SNAP23: variants seen among roughly 807,000 people sequenced by gnomAD.
The protein encoded by SNAP23 is synaptosome associated protein 23.
SNAP23 carries 11 observed loss-of-function variants against 29.0 expected under a neutral mutation model. That is an observed-to-expected ratio of 0.38 (90% confidence interval 0.24 to 0.63). The LOEUF is 0.63. Ranked by LOEUF, SNAP23 falls within the 20% of genes least tolerant of loss-of-function variation. The pLI is 0.58. For synonymous variants in SNAP23, 60 were observed against 82.9 expected (o/e 0.72, Z 1.50); for missense variants, 220 against 253.9 (o/e 0.87, Z 0.91).
chr15:42,516,719 A>T (rs982781040), intron 5 of SNAP23, among the ~76,000 whole-genome samples: 1 of 152,164 alleles, frequency 6.6e-6, no homozygotes, highest in African/African-American at 2.4e-5. Context: ...TTATATTTTT[A>T]TATTTTCAGT....
chr15:42,527,370 A>C (rs2057513623), intron 5 of SNAP23, among the ~76,000 whole-genome samples: 1 of 151,992 alleles, frequency 6.6e-6, no homozygotes, highest in Non-Finnish European at 1.5e-5. Flanking sequence ...GTTCAAATTC[A>C]GTCTTCTTAT....
chr15:42,528,121 A>G, intron 5 of SNAP23, 141 bp from the exon 6 acceptor site: 4 of 634,230 alleles, frequency 6.3e-6, no homozygotes, highest in Non-Finnish European at 8.2e-6. Flanking sequence ...CATGGAGCAT[A>G]GTGTAGATCA....
intron 6 of SNAP23, 90 bp from the exon 7 acceptor site, chr15:42,529,585 C>T: frequency 7.5e-7 from 1 of 1,327,944 alleles, no homozygotes; most frequent in Non-Finnish European, 1.0e-6. Flanking sequence ...TGCTGAGAGT[C>T]ATTTTGGTTA....
chr15:42,528,287 G>C lies in SNAP23; in HGVS notation c.292G>C (p.Ala98Pro), dbSNP rs756726088. 2 of 1,613,920 alleles carry C rather than the reference G, an allele frequency of 1.2e-6. No individual in the cohort carries two copies. The highest frequency in any genetic ancestry group is 1.3e-5 in the African/African-American group (1 of 74,876). Residue 98 changes from alanine (A) to proline (P), a missense_variant, in exon 6 of 8, where the codon GCT becomes CCT. Coordinates refer to ENST00000249647, the MANE Select transcript of SNAP23 (RefSeq NM_003825.4). ...AACAAAGAACTTTGAGTCTGGCAAG[G>C]CTTATAAGACAACATGGGGAGATGG... ...NRTKNFESGK[A>P]YKTTWGDGGE...
At chr15:42,499,765 C>G (rs2141500265) in intron 1 of SNAP23, among the ~76,000 whole-genome samples, 1 of 152,232 alleles carries the variant, frequency 6.6e-6, no homozygotes, top group Middle Eastern at 3.4e-3. Flanking sequence ...TGAACTAAAG[C>G]TTATGGGCTT....
intron 2 of SNAP23, chr15:42,512,200 T>C (rs1235845590): frequency 1.6e-5 from 3 of 183,556 alleles, no homozygotes; most frequent in Non-Finnish European, 3.4e-5. Flanking sequence ...AATTTCCTAA[T>C]ATCTGTAATT....
At position 42,511,641 on chromosome 15, in the gene SNAP23, A is replaced by G. The variant is rs541545715; in HGVS notation, c.-14-192A>G. The stretch of plus-strand genomic sequence containing the variant: ...TAGGTTCACCCTTGGCACTCTTATT[A>G]AACATTCATTTAGCCTCTCTCGGTC... On this transcript the variant is annotated intron_variant, in intron 1 of 7. Coordinates refer to ENST00000249647, the MANE Select transcript of SNAP23 (RefSeq NM_003825.4). Among the ~76,000 whole-genome samples the G allele has an allele frequency of 5.3e-4, 80 of 152,314 alleles. 1 individual carries two copies. The highest frequency in any genetic ancestry group is 1.9e-3 in the African/African-American group (78 of 41,566).
At chr15:42,517,877 A>G (rs755850535) in intron 5 of SNAP23, among the ~76,000 whole-genome samples, 2 of 152,046 alleles carry the variant, frequency 1.3e-5, no homozygotes, top group Non-Finnish European at 2.9e-5. Context: ...TGCCCAGCTA[A>G]TTTTTGAAAT....
rs1167525790 is a variant in SNAP23 at position 42,531,466 on chromosome 15, C to T, written c.624C>T (p.Leu208=). The change falls in exon 8 of 8, where the codon CTC becomes CTT. Residue 208 remains leucine (L), a synonymous_variant. Transcript: ENST00000249647. The part of the protein sequence containing the change: ...IDIANARAKK[L]IDS Reference sequence around the variant, plus strand: ...TTGCCAATGCCAGAGCAAAGAAACTCATTGACAGCTAAAGCTACTGCTGTT... The same window carrying T: ...TTGCCAATGCCAGAGCAAAGAAACTTATTGACAGCTAAAGCTACTGCTGTT... The T allele has an allele frequency of 7.5e-6, 12 of 1,601,662 alleles. No homozygotes were observed. The Admixed American group carries it at 2.0e-4, about 27-fold the overall frequency.
intron 1 of SNAP23, among the ~76,000 whole-genome samples, chr15:42,496,151 A>G (rs1366654680): frequency 6.6e-6 from 1 of 152,180 alleles, no homozygotes; most frequent in Non-Finnish European, 1.5e-5. Flanking sequence ...ATTACTGCAC[A>G]AATTAGAGGA....
intron 1 of SNAP23, among the ~76,000 whole-genome samples, chr15:42,503,832 C>G (rs546464982): frequency 3.7e-4 from 56 of 152,138 alleles, no homozygotes; most frequent in South Asian, 3.5e-3. Context: ...AGATACGATT[C>G]TGTGATGTAC....
intron 7 of SNAP23, among the ~76,000 whole-genome samples, chr15:42,531,013 T>C (rs1314619508): frequency 6.6e-6 from 1 of 152,188 alleles, no homozygotes; most frequent in African/African-American, 2.4e-5. Flanking sequence ...ACTTAGGGTG[T>C]CTGAATCCAG....
intron 5 of SNAP23, chr15:42,521,425 T>G (rs1395144577): frequency 1.7e-5 from 17 of 976,584 alleles, no homozygotes; most frequent in Non-Finnish European, 2.1e-5. Flanking sequence ...TTAAATAGTT[T>G]TCTTATTTTT....
At chr15:42,493,746 C>G (rs951916835), upstream of SNAP23, among the ~76,000 whole-genome samples, 5 of 152,104 alleles carry the variant, frequency 3.3e-5, no homozygotes, top group African/African-American at 9.7e-5. Flanking sequence ...CTACAATATT[C>G]CAAATCTTCT....
rs541632087 is a variant in SNAP23, at chr15:42,523,789, CTTTTTTG to C, written c.267-4455_267-4449del. Among the ~76,000 whole-genome samples the C allele has an allele frequency of 1.4e-3, 208 of 151,874 alleles. 1 individual carries two copies. The highest frequency in any genetic ancestry group is 3.6e-3 in the African/African-American group (150 of 41,308). ...AGTTATTTTACTCCAAATGCTGTTACTTTTTTGTTTTTTGTTTTTTGTTTGTTTGTTT... is the reference window on the plus strand; with the variant it reads ...AGTTATTTTACTCCAAATGCTGTTACTTTTTTGTTTTTTGTTTGTTTGTTT... On this transcript the variant is annotated intron_variant, in intron 5 of 7. Coordinates refer to ENST00000249647, the MANE Select transcript of SNAP23 (RefSeq NM_003825.4).
chr15:42,492,696 AAAAG>A (rs2057181231), upstream of SNAP23: 2 of 151,808 alleles, frequency 1.3e-5, no homozygotes, highest in African/African-American at 2.4e-5. Flanking sequence ...AAAAAAAAAA[AAAAG>A]AGAGAGAAAA....
Position 42,513,430 on chromosome 15 carries a change from T to G in SNAP23, c.131T>G (p.Met44Arg). Residue 44 changes from methionine (M) to arginine (R), a missense_variant, in exon 4 of 8, where the codon ATG becomes AGG. Met to Arg is a moderately conservative substitution (Grantham distance 91, BLOSUM62 -1). Coordinates refer to ENST00000249647, the MANE Select transcript of SNAP23 (RefSeq NM_003825.4). ...GATGCAGGAATCAAGACCATCACTA[T>G]GCTGGATGAACAAAAGGGTAAGTTA... ...SQDAGIKTIT[M>R]LDEQKEQLNR... The G allele has an allele frequency of 6.2e-7, 1 of 1,613,728 alleles. No individual in the cohort carries two copies. The highest frequency in any genetic ancestry group is 8.5e-7 in the Non-Finnish European group (1 of 1,179,664).
intron 1 of SNAP23, among the ~76,000 whole-genome samples, chr15:42,499,440 C>A (rs1229719574): frequency 6.6e-6 from 1 of 152,118 alleles, no homozygotes; most frequent in Non-Finnish European, 1.5e-5. Flanking sequence ...CAAAAACAGG[C>A]CTGTACTCAT....
chr15:42,524,404 G>A (rs768543173), intron 5 of SNAP23, among the ~76,000 whole-genome samples: 1 of 152,068 alleles, frequency 6.6e-6, no homozygotes. Context: ...ATTGGTCCAC[G>A]GCCTGTTAAC....
Sources: gnomAD v4.1 joint callset for allele counts (sites outside exome capture counted in the v4.1 genomes callset) on GRCh38, gnomAD v4.1.1 for gene constraint, MANE v1.5 for transcripts, NCBI Gene and HGNC (gene_info 2026-07-23, HGNC 2026-07-21) for gene names.